Variants in CFAP54 observed in about 807,000 individuals in gnomAD.
CFAP54 encodes the protein cilia- and flagella-associated protein 54.
CFAP54 carries 290 observed loss-of-function variants against 370.4 expected under a neutral mutation model. The observed-to-expected ratio is 0.78, with a 90% CI of 0.71 to 0.86. The LOEUF (loss-of-function observed/expected upper bound fraction) is 0.86, where lower values mean the gene tolerates loss of function less well. Ranked by LOEUF, CFAP54 falls within the 40% of genes least tolerant of loss-of-function variation. The pLI is 0.00. For missense variants in CFAP54, 3,399 were observed against 3,528.7 expected (o/e 0.96, Z 0.93); for synonymous variants, 1,206 against 1,236.5 (o/e 0.98, Z 0.52).
intron 36 of CFAP54, among the ~76,000 whole-genome samples, chr12:96,653,784 TTAGA>T (rs1198205976): frequency 6.6e-6 from 1 of 150,646 alleles, no homozygotes; most frequent in African/African-American, 2.5e-5. Flanking sequence ...CAGAAATCAA[TTAGA>T]TAAATATAAA....
chr12:96,501,195 G>A (rs1364446993), intron 2 of CFAP54: 10 of 314,996 alleles, frequency 3.2e-5, no homozygotes, highest in Non-Finnish European at 4.8e-5. Context: ...AGGGTGGCCG[G>A]GTTAACAGAG....
In CFAP54 at chr12:96,507,050, C is replaced by G. The variant is rs1201361699; in HGVS notation, c.690C>G (p.Ile230Met). ...ATATCTTGTCCTCCTTAAGGCTCAT[C>G]ATGCAAGTGGCTCTGCCACAAGAGC... ...CLHILSSLRL[I>M]MQVALPQEHL... The change falls in exon 4 of 68, where the codon ATC (isoleucine) becomes ATG (methionine). Residue 230 changes from isoleucine (I) to methionine (M), a missense_variant. By Grantham distance (10) the Ile-to-Met change is conservative. Transcript: ENST00000524981. 9.8e-6 allele frequency: 15 copies of G among 1,534,920 alleles called. No homozygotes were observed. The East Asian group carries it at 2.7e-4, about 28-fold the overall frequency.
At chr12:96,553,066 C>T (rs1044945140) in intron 15 of CFAP54, among the ~76,000 whole-genome samples, 4 of 152,160 alleles carry the variant, frequency 2.6e-5, no homozygotes, top group African/African-American at 9.7e-5. Context: ...ACAGAGGCTT[C>T]TGAGCAAACT....
At chr12:96,557,850 C>A (rs1955770702) in intron 17 of CFAP54, among the ~76,000 whole-genome samples, 2 of 152,000 alleles carry the variant, frequency 1.3e-5, no homozygotes, top group South Asian at 4.2e-4. Flanking sequence ...AAGTGACCTG[C>A]ATATACATAA....
At chr12:96,634,240 G>T (rs1023258673) in intron 32 of CFAP54, among the ~76,000 whole-genome samples, 1 of 151,518 alleles carries the variant, frequency 6.6e-6, no homozygotes, top group Non-Finnish European at 1.5e-5. Flanking sequence ...ATTTTTAGTA[G>T]AGACGGGGTT....
At chr12:96,658,893 C>T (rs1320701710) in intron 38 of CFAP54, among the ~76,000 whole-genome samples, 4 of 152,124 alleles carry the variant, frequency 2.6e-5, no homozygotes, top group Non-Finnish European at 5.9e-5. Context: ...GCTATTTTAT[C>T]TTTGGAGGGG....
At chr12:96,621,875 G>GTTTGTTTGTTTTTTTTTTTTTTT (rs1956496257) in intron 27 of CFAP54, among the ~76,000 whole-genome samples, 154 bp downstream of exon 27, 2 of 50,034 alleles carry the variant, frequency 4.0e-5, no homozygotes, top group Non-Finnish European at 6.6e-5. Flanking sequence ...TTTTGGGTTT[G>GTTTGTTTGTTTTTTTTTTTTTTT]TTTTTTTTTT....
intron 15 of CFAP54, among the ~76,000 whole-genome samples, chr12:96,553,629 A>T (rs1260320531): frequency 1.3e-5 from 2 of 150,190 alleles, no homozygotes; most frequent in African/African-American, 4.9e-5. Context: ...ATCTGGAAAA[A>T]TATGGAAAAT....
At chr12:96,845,225 G>A (rs1959305494) in intron 66 of CFAP54, among the ~76,000 whole-genome samples, 1 of 152,106 alleles carries the variant, frequency 6.6e-6, no homozygotes, top group Admixed American at 6.5e-5. Context: ...TTTGGTATGA[G>A]TTCTTAGTTA....
chr12:96,764,560 G>T (rs541992165), intron 59 of CFAP54, among the ~76,000 whole-genome samples: 1 of 152,300 alleles, frequency 6.6e-6, no homozygotes, highest in South Asian at 2.1e-4. Flanking sequence ...GGTCGAGGCT[G>T]CAGTGAGCTG....
intron 19 of CFAP54, among the ~76,000 whole-genome samples, chr12:96,568,327 A>G (rs1263255880): frequency 6.6e-6 from 1 of 152,118 alleles, no homozygotes; most frequent in Non-Finnish European, 1.5e-5. Context: ...TCCTATTAGG[A>G]TAGACTCTTG....
At chr12:96,732,023 A>G (rs1168796233) in intron 50 of CFAP54, among the ~76,000 whole-genome samples, 1 of 152,194 alleles carries the variant, frequency 6.6e-6, no homozygotes, top group Non-Finnish European at 1.5e-5. Flanking sequence ...CCTAATCTTC[A>G]TACACTTCAA....
At chr12:96,573,072 T>C (rs769590775) in intron 19 of CFAP54, 173 of 980,886 alleles carry the variant, frequency 1.8e-4, no homozygotes, top group Non-Finnish European at 2.1e-4. Context: ...TCTGCTTGAC[T>C]ATAAGGGCCA....
At position 96,617,186 on chromosome 12, in the gene CFAP54, A is replaced by G. The variant is rs556187095; in HGVS notation, c.3640-4404A>G. On this transcript the variant is annotated intron_variant, in intron 26 of 67. Transcript: ENST00000524981. ...TTGTGTAGTGAATGGGGAGAAGGTA[A>G]TGAGTTTTAAACAGATTGAATTTTG... is the stretch of plus-strand genomic sequence containing the variant. Among the ~76,000 whole-genome samples, 4 of 152,312 alleles carry G rather than the reference A, an allele frequency of 2.6e-5. No individual in the cohort carries two copies. The South Asian group carries it at 6.2e-4, about 24-fold the overall frequency.
intron 36 of CFAP54, among the ~76,000 whole-genome samples, chr12:96,652,554 C>T (rs755811457): frequency 6.6e-6 from 1 of 152,084 alleles, no homozygotes; most frequent in Non-Finnish European, 1.5e-5. Flanking sequence ...GCTCAGTTAA[C>T]TCAAAAGAAG....
intron 60 of CFAP54, among the ~76,000 whole-genome samples, chr12:96,775,898 A>T (rs1174164665): frequency 1.3e-5 from 2 of 152,164 alleles, no homozygotes; most frequent in East Asian, 3.8e-4. Context: ...AAACTTTTGA[A>T]ATAATTTTAT....
intron 32 of CFAP54, among the ~76,000 whole-genome samples, chr12:96,641,936 T>TG (rs758561828): frequency 0.13 from 11,324 of 85,074 alleles, 616 homozygotes; most frequent in Non-Finnish European, 0.19. Flanking sequence ...TGTGGGGTGG[T>TG]GCGGGGGGGG....
intron 8 of CFAP54, 137 bp from the exon 9 acceptor site, chr12:96,527,109 G>C: frequency 1.6e-6 from 1 of 633,502 alleles, no homozygotes; most frequent in Admixed American, 3.6e-5. Flanking sequence ...TGTTGCCCAG[G>C]TGGTCTTGAA....
In CFAP54 at chr12:96,507,031, T is replaced by A; in HGVS notation, c.671T>A (p.Leu224Ter). The A allele has an allele frequency of 1.3e-6, 2 of 1,536,052 alleles. No homozygotes were observed. Among genetic ancestry groups the A allele is most frequent in the Non-Finnish European group, 1.7e-6 (2 of 1,146,822 alleles). ...TCTGTGGTCCAGTGTCTGCATATCTTGTCCTCCTTAAGGCTCATCATGCAA... is the reference window on the plus strand; with the variant it reads ...TCTGTGGTCCAGTGTCTGCATATCTAGTCCTCCTTAAGGCTCATCATGCAA... Reference protein sequence around the residue: ...KESVVQCLHILSSLRLIMQVA... With the variant: ...KESVVQCLHI Residue 224 changes from leucine (L) to a stop codon, truncating the protein, a stop_gained, in exon 4 of 68, where the codon TTG becomes TAG. Transcript: ENST00000524981. LOFTEE classifies it high-confidence loss of function.
Sources: allele counts gnomAD v4.1 joint callset (sites outside exome capture counted in the v4.1 genomes callset), GRCh38; gene constraint gnomAD v4.1.1; transcripts MANE v1.5; gene names NCBI Gene and HGNC (gene_info 2026-07-23, HGNC 2026-07-21).